UBE2J2: variants seen among roughly 807,000 people sequenced by gnomAD.
The protein encoded by UBE2J2 is ubiquitin-conjugating enzyme E2 J2.
Under a neutral mutation model 28.6 loss-of-function variants are expected in UBE2J2, and 5 were observed. The ratio of observed to expected loss-of-function variants is 0.17; its 90% CI spans 0.09 to 0.37. UBE2J2 has a LOEUF of 0.37. UBE2J2 is among the 10% of genes least tolerant of loss of function. UBE2J2 has a pLI of 1.00. For missense variants in UBE2J2, 226 were observed against 338.9 expected, an observed-to-expected ratio of 0.67 and a Z score of 2.62; for synonymous variants, 138 against 139.7, an observed-to-expected ratio of 0.99 and a Z score of 0.09.
intron 3 of UBE2J2, chr1:1,262,494 C>T: frequency 3.0e-6 from 1 of 332,798 alleles, no homozygotes; most frequent in South Asian, 2.2e-5. Flanking sequence ...CCCGACAGTC[C>T]AAAGCAGGGG....
At chr1:1,273,386 G>C (rs1032209724) in intron 1 of UBE2J2, 1 of 152,234 alleles carries the variant, frequency 6.6e-6, no homozygotes, top group Non-Finnish European at 1.5e-5. Flanking sequence ...CCAGGATCGA[G>C]GCTGCCCGTC....
chr1:1,270,297 A>G (rs76896876), intron 1 of UBE2J2, among the ~76,000 whole-genome samples: 1 of 152,218 alleles, frequency 6.6e-6, no homozygotes, highest in African/African-American at 2.4e-5. Flanking sequence ...TCCACCTGCA[A>G]GAGATCTACA....
chr1:1,263,442 T>G, intron 2 of UBE2J2, 56 bp from the exon 3 acceptor site: 1 of 1,501,122 alleles, frequency 6.7e-7, no homozygotes, highest in Non-Finnish European at 9.3e-7. Flanking sequence ...CTCCAAAATC[T>G]GAATCATTCC....
chr1:1,263,373 G>A lies in UBE2J2; in HGVS notation c.145C>T (p.Arg49Ter). ...SNILEWHYVV[R>*]GPEMTPYEGG... Reference sequence around the variant, plus strand: ...TCATAAGGGGTCATCTCTGGGCCTCGGACGACATAGTGCCTAAGGGAGAGA... The same window carrying A: ...TCATAAGGGGTCATCTCTGGGCCTCAGACGACATAGTGCCTAAGGGAGAGA... Residue 49 changes from arginine (R) to a stop codon, truncating the protein, a stop_gained, in exon 3 of 7, where the codon CGA (arginine) becomes TGA (stop). Coordinates refer to ENST00000349431, the MANE Select transcript of UBE2J2 (RefSeq NM_058167.3). LOFTEE classifies it high-confidence loss of function. The A allele has an allele frequency of 6.2e-7, 1 of 1,613,236 alleles. No homozygotes were observed. Among genetic ancestry groups the A allele is most frequent in the Non-Finnish European group, 8.5e-7 (1 of 1,179,336 alleles).
intron 3 of UBE2J2, among the ~76,000 whole-genome samples, chr1:1,259,101 T>C (rs1239665524): frequency 2.2e-5 from 3 of 133,828 alleles, no homozygotes; most frequent in African/African-American, 3.5e-5. Context: ...CGTGTGTGCA[T>C]GTGTGTGCAT....
intron 3 of UBE2J2, among the ~76,000 whole-genome samples, chr1:1,257,629 T>G (rs1240428302): frequency 6.9e-6 from 1 of 144,760 alleles, no homozygotes; most frequent in African/African-American, 2.6e-5. Flanking sequence ...CTCCCTGGAG[T>G]GTCCACACAC....
At chr1:1,264,105 G>C (rs1639714327) in intron 2 of UBE2J2, among the ~76,000 whole-genome samples, 1 of 152,168 alleles carries the variant, frequency 6.6e-6, no homozygotes, top group Admixed American at 6.6e-5. Flanking sequence ...TGCGGGGCCG[G>C]CTCGGTACCC....
rs972938483 is a variant in UBE2J2, at chr1:1,254,060, G to T, written c.*1143C>A. The T allele has an allele frequency of 6.6e-6, 1 of 152,216 alleles. No individual in the cohort carries two copies. Among genetic ancestry groups the T allele is most frequent in the African/African-American group, 2.4e-5 (1 of 41,462 alleles). The allele number at this position is 152,216 out of a possible 1,614,324, so 9.4% of individuals were successfully genotyped here. On this transcript the variant is annotated 3_prime_UTR_variant, in exon 7 of 7. Coordinates refer to ENST00000349431, the MANE Select transcript of UBE2J2 (RefSeq NM_058167.3). ...TGCGGGCTGGGCTTGTCTCACGCCC[G>T]CCTCCGGACAGGGTGGGTTTCTTGC...
Position 1,254,296 on chromosome 1 carries a change from A to G in UBE2J2, c.*907T>C, listed in dbSNP as rs897649442. 1.3e-5 allele frequency: 2 copies of G among 152,144 alleles called. No individual in the cohort carries two copies. The highest frequency in any genetic ancestry group is 2.9e-5 in the Non-Finnish European group (2 of 68,018). The allele number at this position is 152,144 out of a possible 1,614,324, so 9.4% of individuals were successfully genotyped here. On this transcript the variant is annotated 3_prime_UTR_variant, in exon 7 of 7. Coordinates refer to ENST00000349431, the MANE Select transcript of UBE2J2 (RefSeq NM_058167.3). ...AACACCCGGGCCGGAGCCATTACCT[A>G]CTGTGAAGGCCAGCGCAGGGGGCAC...
At chr1:1,260,069 G>C (rs969711988) in intron 3 of UBE2J2, among the ~76,000 whole-genome samples, 1 of 152,212 alleles carries the variant, frequency 6.6e-6, no homozygotes, top group African/African-American at 2.4e-5. Context: ...GCAGGGGGAC[G>C]CTGCAGCTTC....
At chr1:1,266,678 T>C (rs912765105) in intron 2 of UBE2J2, among the ~76,000 whole-genome samples, 1 of 150,884 alleles carries the variant, frequency 6.6e-6, no homozygotes, top group Non-Finnish European at 1.5e-5. Flanking sequence ...AAACAAAAAA[T>C]TAGCCGGGCA....
chr1:1,263,472 C>G lies in UBE2J2; in HGVS notation c.132-86G>C, dbSNP rs949299150. 10 of 1,222,190 alleles carry G rather than the reference C, an allele frequency of 8.2e-6. No homozygotes were observed. In the African/African-American group the frequency reaches 1.3e-4, roughly 16 times the overall value. The allele number at this position is 1,222,190 out of a possible 1,614,324, so 75.7% of individuals were successfully genotyped here. A position where few individuals can be genotyped will look rare whatever the true frequency, so the allele number is the denominator to read the frequency against. On this transcript the variant is annotated intron_variant, in intron 2 of 6. Transcript: ENST00000349431. ...CATTCCAAGCCTGGGGTTTATAGAA[C>G]CCAGCCAAAATTACATTCACATTCA...
At chr1:1,271,659 C>G (rs1640148852) in intron 1 of UBE2J2, 1 of 152,110 alleles carries the variant, frequency 6.6e-6, no homozygotes, top group African/African-American at 2.4e-5. Flanking sequence ...AATATGACAG[C>G]AGGAAGGACA....
intron 1 of UBE2J2, among the ~76,000 whole-genome samples, chr1:1,272,548 G>A (rs1212933446): frequency 6.6e-6 from 1 of 152,178 alleles, no homozygotes; most frequent in African/African-American, 2.4e-5. Flanking sequence ...AGACTGCTCC[G>A]GAGGCTGGAC....
Position 1,257,113 on chromosome 1 carries a change from G to A in UBE2J2, c.293C>T (p.Thr98Met). 1 of 1,612,020 alleles carries A rather than the reference G, an allele frequency of 6.2e-7. No individual in the cohort carries two copies. Among genetic ancestry groups the A allele is most frequent in the Non-Finnish European group, 8.5e-7 (1 of 1,178,988 alleles). The change falls in exon 5 of 7, where the codon ACG becomes ATG. Residue 98 changes from threonine (T) to methionine (M), a missense_variant. Physicochemically the swap from Thr to Met is moderately conservative, Grantham distance 81. This residue lies in a region of UBE2J2 where 13 missense variants were observed against 63.0 expected (regional missense o/e 0.21). Transcript: ENST00000349431. ...GTTCCACGTGTCCGGGTGGAAATCC[G>A]TGATAGAAAGACACAGCCTGCAAAA... ...KCNTRLCLSI[T>M]DFHPDTWNPA... is the part of the protein sequence containing the mutation.
At chr1:1,272,780 C>G (rs749656658) in intron 1 of UBE2J2, 1 of 157,954 alleles carries the variant, frequency 6.3e-6, no homozygotes, top group Non-Finnish European at 1.4e-5. Context: ...GTGCAGATGA[C>G]GGACTGCAAG....
At chr1:1,269,574 C>A (rs1436098669) in intron 1 of UBE2J2, among the ~76,000 whole-genome samples, 1 of 151,954 alleles carries the variant, frequency 6.6e-6, no homozygotes, top group Admixed American at 6.6e-5. Context: ...GATTCTCCTG[C>A]CTCAGCCACT....
Position 1,254,032 on chromosome 1 carries a change from GC to G in UBE2J2, c.*1170del, listed in dbSNP as rs1322498670. On this transcript the variant is annotated 3_prime_UTR_variant, in exon 7 of 7. Transcript: ENST00000349431. ...GATCAAAAAACGAAGAAAGATGAGC[GC>G]GTGCGGGCTGGGCTTGTCTCACGCC... The G allele has an allele frequency of 6.6e-6, 1 of 152,222 alleles. No homozygotes were observed. Among genetic ancestry groups the G allele is most frequent in the African/African-American group, 2.4e-5 (1 of 41,460 alleles). 9.4% of individuals were successfully genotyped at this position (152,222 alleles called of 1,614,324 possible). A position where few individuals can be genotyped will look rare whatever the true frequency, so the allele number is the denominator to read the frequency against.
intron 1 of UBE2J2, among the ~76,000 whole-genome samples, chr1:1,271,349 ACT>A (rs1640132991): frequency 6.6e-6 from 1 of 152,100 alleles, no homozygotes; most frequent in Admixed American, 6.6e-5. Flanking sequence ...TGAAGCTAAC[ACT>A]CTGCCATATA....
Sources: gnomAD v4.1 joint callset for allele counts (sites outside exome capture counted in the v4.1 genomes callset) on GRCh38, gnomAD v4.1.1 for gene constraint, gnomAD v4.1.1 regional missense constraint, MANE v1.5 for transcripts, NCBI Gene and HGNC (gene_info 2026-07-23, HGNC 2026-07-21) for gene names.